The following NES variants were observed in gnomAD, a reference collection of about 807,000 sequenced individuals.
The protein encoded by NES is nestin.
A neutral mutation model predicts 35.6 loss-of-function variants in NES; 27 were observed. That is an observed-to-expected ratio of 0.76 (90% CI 0.56 to 1.04). The LOEUF is 1.04. NES is among the 50% of genes least tolerant of loss of function. NES has a pLI of 0.00. For missense variants in NES, 1,867 were observed against 1,983.6 expected, an observed-to-expected ratio of 0.94 and a Z score of 1.12; for synonymous variants, 822 against 824.2, an observed-to-expected ratio of 1.00 and a Z score of 0.04.
At position 156,670,507 on chromosome 1, in the gene NES, C is replaced by A; in HGVS notation, c.3681G>T (p.Pro1227=). Residue 1227 remains proline, a synonymous_variant, in exon 4 of 4, where the codon CCG becomes CCT. Transcript: ENST00000368223. ...VLVSPSPTYT[P]ILEDAPGPQP... is the part of the protein sequence containing the mutation. ...GAGGCCCAGGGGCATCTTCCAGGAT[C>A]GGGGTGTACGTTGGGCTGGGGGAGA... 1 of 1,595,116 alleles carries A rather than the reference C, an allele frequency of 6.3e-7. No individual in the cohort carries two copies. The highest frequency in any genetic ancestry group is 2.2e-5 in the East Asian group (1 of 44,554).
rs754313921 is a variant in NES, at chr1:156,675,290, G to A, written c.834C>T (p.Ile278=). 1.3e-5 allele frequency: 21 copies of A among 1,613,286 alleles called. No homozygotes were observed. Among genetic ancestry groups the A allele is most frequent in the South Asian group, 5.5e-5 (5 of 91,030 alleles). The change falls in exon 2 of 4, where the codon ATC becomes ATT. Residue 278 remains isoleucine (I), a synonymous_variant. Transcript: ENST00000368223. The part of the protein sequence containing the change: ...EQEKQGLQSQ[I]AQVLEGRQQL... ...GCTGCCGACCTTCCAGGACCTGAGC[G>A]ATCTGGCTCTGTAGGCCCTGTTTCT...
Position 156,676,126 on chromosome 1 carries a change from C to T in NES, c.783+356G>A, listed in dbSNP as rs1320768584. On this transcript the variant is annotated intron_variant, in intron 1 of 3. Transcript: ENST00000368223. The surrounding 1 kb of genome is among the most constrained non-coding windows in gnomAD (Gnocchi z 5.3). ...TTCTGAGTGGCCAGGCCACCAGATT[C>T]AGCGCAGAGGCGACAGTGCTGGGTG... is the stretch of plus-strand genomic sequence containing the variant. Among the ~76,000 whole-genome samples, 1 of 152,240 alleles carries T rather than the reference C, an allele frequency of 6.6e-6. No homozygotes were observed.
rs1431384477 is a variant in NES at position 156,676,051 on chromosome 1, GC to G, written c.783+430del. On this transcript the variant is annotated intron_variant, in intron 1 of 3. Transcript: ENST00000368223. The surrounding 1 kb of genome is among the most constrained non-coding windows in gnomAD (Gnocchi z 5.3). The stretch of plus-strand genomic sequence containing the variant: ...GGGGGCTGGTAGCCATTCATTCACG[GC>G]CCCTCACTCCTCCCCTCAGGAGAAG... Among the ~76,000 whole-genome samples, 5 of 152,258 alleles carry G rather than the reference GC, an allele frequency of 3.3e-5. No homozygotes were observed. Among genetic ancestry groups the G allele is most frequent in the Admixed American group, 3.3e-4 (5 of 15,286 alleles).
chr1:156,671,070 C>G lies in NES; in HGVS notation c.3118G>C (p.Asp1040His), dbSNP rs1679717580. The G allele has an allele frequency of 1.2e-6, 2 of 1,613,882 alleles. No individual in the cohort carries two copies. The highest frequency in any genetic ancestry group is 8.5e-7 in the Non-Finnish European group (1 of 1,180,020). ...ACCTGTTGTGATTGCCCTTCAGGGT[C>G]CTGGAGGCCCTCAGCCCCTCCCTTC... is the stretch of plus-strand genomic sequence containing the variant. ...SVKGGAEGLQ[D>H]PEGQSQQVGA... Residue 1040 changes from aspartate (D) to histidine (H), a missense_variant, in exon 4 of 4, where the codon GAC becomes CAC. Physicochemically the swap from Asp to His is moderately conservative, Grantham distance 81 (BLOSUM62 -1). Transcript: ENST00000368223.
chr1:156,671,285 C>A lies in NES; in HGVS notation c.2903G>T (p.Gly968Val). 2 of 1,614,100 alleles carry A rather than the reference C, an allele frequency of 1.2e-6. No individual in the cohort carries two copies. Among genetic ancestry groups the A allele is most frequent in the South Asian group, 1.1e-5 (1 of 91,084 alleles). ...DQELAQESPP[G>V]MAGVENEDEA... ...ATCCTCATTTTCCACTCCAGCCATC[C>A]CAGGAGGGCTTTCCTGAGCCAGTTC... The change falls in exon 4 of 4, where the codon GGG becomes GTG. Residue 968 changes from glycine to valine, a missense_variant. By Grantham distance (109) the Gly-to-Val change is moderately radical. Transcript: ENST00000368223.
chr1:156,670,407 T>G lies in NES; in HGVS notation c.3781A>C (p.Ser1261Arg), dbSNP rs1456291621. ...GRAEALGKVE[S>R]EQEELGSGEI... ...CCAGAACCCAACTCCTCCTGCTCGC[T>G]CTCTACTTTCCCCAGGGCTTCAGCC... The change falls in exon 4 of 4, where the codon AGC becomes CGC. Residue 1261 changes from serine (S) to arginine (R), a missense_variant. Ser to Arg is a moderately radical substitution (Grantham distance 110). Transcript: ENST00000368223. 2 of 1,576,894 alleles carry G rather than the reference T, an allele frequency of 1.3e-6. No individual in the cohort carries two copies. Among genetic ancestry groups the G allele is most frequent in the African/African-American group, 2.7e-5 (2 of 73,718 alleles).
In NES at chr1:156,673,162, C is replaced by T. The variant is rs147393471; in HGVS notation, c.1026G>A (p.Arg342=). The T allele has an allele frequency of 5.9e-5, 91 of 1,536,680 alleles. No individual in the cohort carries two copies. The African/African-American group carries it at 1.0e-3, about 18-fold the overall frequency. The change falls in exon 4 of 4, where the codon CGG becomes CGA. Residue 342 remains arginine (R), a synonymous_variant. Coordinates refer to ENST00000368223, the MANE Select transcript of NES (RefSeq NM_006617.2). ...ELQFPRTPEG[R]RLGSLLPVLS... is the part of the protein sequence containing the mutation. Reference sequence around the variant, plus strand: ...GGACTGGGAGCAAAGATCCAAGACGCCGGCCCTCTGGGGTCCTAGGGAATT... The same window carrying T: ...GGACTGGGAGCAAAGATCCAAGACGTCGGCCCTCTGGGGTCCTAGGGAATT...
Position 156,669,983 on chromosome 1 carries a change from G to T in NES, c.4205C>A (p.Ala1402Asp), listed in dbSNP as rs201993601. 2.0e-5 allele frequency: 32 copies of T among 1,613,774 alleles called. No individual in the cohort carries two copies. In the Admixed American group the frequency reaches 5.2e-4, roughly 26 times the overall value. ...ATCGGACTCCCCATCTCGATCCCAG[G>T]CTGCAGGATCCAGTAGCAGCTGGGG... is the stretch of plus-strand genomic sequence containing the variant. ...QVPQLLLDPA[A>D]WDRDGESDGF... Residue 1402 changes from alanine (A) to aspartate (D), a missense_variant, in exon 4 of 4, where the codon GCC becomes GAC. Physicochemically the swap from Ala to Asp is moderately radical, Grantham distance 126. Transcript: ENST00000368223.
In NES at chr1:156,670,491, G is replaced by A. The variant is rs1377503022; in HGVS notation, c.3697C>T (p.Pro1233Ser). ...PTYTPILEDA[P>S]GPQPQAEGSQ... ...CCTTCAGCCTGAGGCTGAGGCCCAG[G>A]GGCATCTTCCAGGATCGGGGTGTAC... Residue 1233 changes from proline to serine, a missense_variant, in exon 4 of 4, where the codon CCT becomes TCT. Transcript: ENST00000368223. 6.3e-7 allele frequency: 1 copy of A among 1,585,724 alleles called. No individual in the cohort carries two copies. The highest frequency in any genetic ancestry group is 1.3e-5 in the African/African-American group (1 of 74,370).
rs1159150902 is a variant in NES, at chr1:156,669,888, CCCCTGGCT to C, written c.4292_4299del (p.Glu1431GlyfsTer18). On this transcript the variant is annotated frameshift_variant, in exon 4 of 4. Coordinates refer to ENST00000368223, the MANE Select transcript of NES (RefSeq NM_006617.2). LOFTEE classifies it low-confidence loss of function (END_TRUNC). Reference sequence around the variant, plus strand: ...GAAGACCCTGGCCCCCACCGCCCAGCCCCTGGCTCCCTCCCCTCCTCCTGATCCTCCTC... The same window carrying C: ...GAAGACCCTGGCCCCCACCGCCCAGCCCCTCCCCTCCTCCTGATCCTCCTC... 1 of 1,613,276 alleles carries C rather than the reference CCCCTGGCT, an allele frequency of 6.2e-7. No homozygotes were observed. Among genetic ancestry groups the C allele is most frequent in the Non-Finnish European group, 8.5e-7 (1 of 1,179,764 alleles).
intron 2 of NES, 52 bp from the exon 3 acceptor site, chr1:156,673,579 G>A: frequency 2.8e-6 from 4 of 1,430,398 alleles, no homozygotes; most frequent in Non-Finnish European, 3.9e-6. Flanking sequence ...CAGGCCTGCA[G>A]GCAGCAAGCC....
Position 156,672,753 on chromosome 1 carries a change from C to T in NES, c.1435G>A (p.Ala479Thr). The T allele has an allele frequency of 1.9e-6, 3 of 1,613,516 alleles. No homozygotes were observed. The highest frequency in any genetic ancestry group is 2.5e-6 in the Non-Finnish European group (3 of 1,180,036). Residue 479 changes from alanine to threonine, a missense_variant, in exon 4 of 4, where the codon GCT (alanine) becomes ACT (threonine). Coordinates refer to ENST00000368223, the MANE Select transcript of NES (RefSeq NM_006617.2). ...PLSPDHSSLE[A>T]KDGESGGSRV... ...GACCCACCGGATTCTCCATCCTTAG[C>T]CTCTAAACTGGAGTGGTCAGGGCTG...
chr1:156,670,375 GA>G lies in NES; in HGVS notation c.3812del (p.Ile1271ThrfsTer179). 1.9e-6 allele frequency: 3 copies of G among 1,604,260 alleles called. No homozygotes were observed. Among genetic ancestry groups the G allele is most frequent in the Non-Finnish European group, 2.6e-6 (3 of 1,175,142 alleles). ...CCCCTTCCTCCTGGGGGCCCTCGGG[GA>G]TCTCCCCAGAACCCAACTCCTCCTG... ...SEQEELGSGE[I>X]PEGPQEEGEE... On this transcript the variant is annotated frameshift_variant, in exon 4 of 4. Coordinates refer to ENST00000368223, the MANE Select transcript of NES (RefSeq NM_006617.2). LOFTEE classifies it low-confidence loss of function (END_TRUNC).
At position 156,673,437 on chromosome 1, in the gene NES, T is replaced by C. The variant is rs766554929; in HGVS notation, c.982+17A>G. 32 of 1,607,312 alleles carry C rather than the reference T, an allele frequency of 2.0e-5. No individual in the cohort carries two copies. Among genetic ancestry groups the C allele is most frequent in the Non-Finnish European group, 2.5e-5 (29 of 1,175,018 alleles). ...AAAGCAGGGTAGTTTCTGGGGGAACTTGGCCCCTCCTCTTACCCTGAAAGC... is the reference window on the plus strand; with the variant it reads ...AAAGCAGGGTAGTTTCTGGGGGAACCTGGCCCCTCCTCTTACCCTGAAAGC... On this transcript the variant is annotated intron_variant, in intron 3 of 3. Transcript: ENST00000368223.
chr1:156,673,583 G>C, intron 2 of NES, 56 bp from the exon 3 acceptor site: 1 of 1,383,262 alleles, frequency 7.2e-7, no homozygotes, highest in Admixed American at 1.9e-5. Flanking sequence ...CCTGCAGGCA[G>C]CAAGCCAGCT....
chr1:156,670,267 G>T lies in NES; in HGVS notation c.3921C>A (p.Ser1307=). ...DSTPLGFYLR[S]PTSPRWDPTG... is the part of the protein sequence containing the mutation. ...TGGGGTCCCACCTGGGGGAGGTGGG[G>T]GACCTGAGGTAGAAGCCCAGGGGAG... The change falls in exon 4 of 4, where the codon TCC becomes TCA. Residue 1307 remains serine, a synonymous_variant. Transcript: ENST00000368223. 1 of 1,611,098 alleles carries T rather than the reference G, an allele frequency of 6.2e-7. No homozygotes were observed. The highest frequency in any genetic ancestry group is 8.5e-7 in the Non-Finnish European group (1 of 1,178,056).
In NES at chr1:156,672,800, T is replaced by C. The variant is rs746874255; in HGVS notation, c.1388A>G (p.His463Arg). ...EASTGQSPED[H>R]ASLAPPLSPD... is the part of the protein sequence containing the mutation. ...GCTGAGGGGTGGTGCCAAGGAGGCA[T>C]GGTCCTCTGGGGACTGGCCTGTACT... The change falls in exon 4 of 4, where the codon CAT becomes CGT. Residue 463 changes from histidine (H) to arginine (R), a missense_variant. Coordinates refer to ENST00000368223, the MANE Select transcript of NES (RefSeq NM_006617.2). 2.3e-5 allele frequency: 37 copies of C among 1,613,586 alleles called. No homozygotes were observed. The East Asian group carries it at 7.3e-4, about 32-fold the overall frequency.
rs975505319 is a variant in NES, at chr1:156,677,323, C to T, written c.-59G>A. 4 of 1,408,624 alleles carry T rather than the reference C, an allele frequency of 2.8e-6. No individual in the cohort carries two copies. The highest frequency in any genetic ancestry group is 1.5e-5 in the African/African-American group (1 of 67,002). The allele number at this position is 1,408,624 out of a possible 1,614,324, so 87.3% of individuals were successfully genotyped here. On this transcript the variant is annotated 5_prime_UTR_variant, in exon 1 of 4. Transcript: ENST00000368223. This position sits in a 1 kb window ranked among gnomAD's most constrained non-coding sequence, Gnocchi z 4.5. ...GCGGGGCACCGGGAGAAGGGAGCGG[C>T]TCGCAGAGCTTTTAGGACGGAAGAG... is the stretch of plus-strand genomic sequence containing the variant.
At position 156,669,918 on chromosome 1, in the gene NES, C is replaced by T. The variant is rs1007598869; in HGVS notation, c.4270G>A (p.Glu1424Lys). ...DEEESGEEGE[E>K]DQEEGREPGA... ...GGCTCCCTCCCCTCCTCCTGATCCT[C>T]CTCTCCCTCCTCCCCACTTTCTTCC... The change falls in exon 4 of 4, where the codon GAG becomes AAG. Residue 1424 changes from glutamate to lysine, a missense_variant. By Grantham distance (56) the Glu-to-Lys change is moderately conservative. Transcript: ENST00000368223. The T allele has an allele frequency of 8.7e-6, 14 of 1,612,524 alleles. No individual in the cohort carries two copies. Among genetic ancestry groups the T allele is most frequent in the Non-Finnish European group, 1.2e-5 (14 of 1,179,094 alleles).
Sources: gnomAD v4.1 joint callset for allele counts (sites outside exome capture counted in the v4.1 genomes callset) on GRCh38, gnomAD v4.1.1 for gene constraint, Gnocchi (gnomAD v3.1) non-coding constraint, MANE v1.5 for transcripts, NCBI Gene and HGNC (gene_info 2026-07-23, HGNC 2026-07-21) for gene names.